ASXL1: variants seen among roughly 807,000 people sequenced by gnomAD.
The protein encoded by ASXL1 is ASXL transcriptional regulator 1.
ASXL1 carries 65 observed loss-of-function variants against 89.1 expected under a neutral mutation model. That is an observed-to-expected ratio of 0.73 (90% CI 0.60 to 0.90). The LOEUF (loss-of-function observed/expected upper bound fraction) is 0.90, where lower values mean the gene tolerates loss of function less well. Among genes scored for constraint, ASXL1 ranks in the 40% least tolerant of loss-of-function variants. The pLI, the probability that ASXL1 is intolerant of heterozygous loss-of-function variation, is 0.00. For missense variants in ASXL1, 1,786 were observed against 1,942.9 expected, an observed-to-expected ratio of 0.92 and a Z score of 1.52; for synonymous variants, 739 against 746.9, an observed-to-expected ratio of 0.99 and a Z score of 0.17.
Position 32,433,483 on chromosome 20 carries a change from GAGTCA to G in ASXL1, c.1286_1290del (p.Glu429GlyfsTer7). On this transcript the variant is annotated frameshift_variant, in exon 12 of 13. Transcript: ENST00000375687. LOFTEE classifies it high-confidence loss of function. ...CAGAAGGAATCTGTACAAAAAACAG[GAGTCA>G]GAACAAGCAGGGGTTGCTAAGGATG... is the stretch of plus-strand genomic sequence containing the variant. 6.2e-7 allele frequency: 1 copy of G among 1,614,176 alleles called. No individual in the cohort carries two copies. Among genetic ancestry groups the G allele is most frequent in the Non-Finnish European group, 8.5e-7 (1 of 1,180,032 alleles).
chr20:32,415,317 G>A (rs1435882692), intron 4 of ASXL1, among the ~76,000 whole-genome samples: 2 of 152,096 alleles, frequency 1.3e-5, no homozygotes, highest in African/African-American at 4.8e-5. Flanking sequence ...CCTGCGTCAT[G>A]ATTTTCTATT....
In ASXL1 at chr20:32,429,234, G is replaced by A; in HGVS notation, c.472-104G>A. The stretch of plus-strand genomic sequence containing the variant: ...TTATTTGACAGATCTGGTTGAAGAC[G>A]AACTTCATTTTACAAGAGCGTGAGT... On this transcript the variant is annotated intron_variant, in intron 6 of 12. Transcript: ENST00000375687. This position sits in a 1 kb window ranked among gnomAD's most constrained non-coding sequence, Gnocchi z 4.9. The A allele has an allele frequency of 7.7e-6, 9 of 1,169,510 alleles. No homozygotes were observed. The highest frequency in any genetic ancestry group is 2.6e-5 in the South Asian group (2 of 76,270). 72.4% of individuals were successfully genotyped at this position (1,169,510 alleles called of 1,614,324 possible).
chr20:32,394,438 C>CT (rs1458485407), intron 4 of ASXL1, among the ~76,000 whole-genome samples: 1 of 152,186 alleles, frequency 6.6e-6, no homozygotes, highest in African/African-American at 2.4e-5. Flanking sequence ...CATGCCTGGC[C>CT]TGGATTGAGG....
intron 8 of ASXL1, 81 bp from the exon 9 acceptor site, chr20:32,431,240 G>A: frequency 1.3e-6 from 2 of 1,577,282 alleles, no homozygotes; most frequent in Non-Finnish European, 8.7e-7. Context: ...CTTGGGTGCT[G>A]TCACCAAAGT....
chr20:32,436,308 C>T lies in ASXL1; in HGVS notation c.3596C>T (p.Ala1199Val), dbSNP rs1275445999. The part of the protein sequence containing the change: ...ARIEATQAPG[A>V]PQKNCKAVPS... The stretch of plus-strand genomic sequence containing the variant: ...ATTGAGGCCACCCAGGCTCCTGGAG[C>T]ACCCCAAAAGAATTGCAAGGCAGTC... The change falls in exon 13 of 13, where the codon GCA (alanine) becomes GTA (valine). Residue 1199 changes from alanine to valine, a missense_variant. Ala to Val is a moderately conservative substitution (Grantham distance 64). Transcript: ENST00000375687. The T allele has an allele frequency of 6.2e-7, 1 of 1,613,992 alleles. No individual in the cohort carries two copies. The highest frequency in any genetic ancestry group is 1.3e-5 in the African/African-American group (1 of 74,924).
At chr20:32,380,841 A>C (rs2048474328) in intron 4 of ASXL1, among the ~76,000 whole-genome samples, 1 of 152,214 alleles carries the variant, frequency 6.6e-6, no homozygotes, top group Non-Finnish European at 1.5e-5. Flanking sequence ...GATACAACAA[A>C]ATCATGGAGC....
intron 1 of ASXL1, chr20:32,360,307 T>G (rs1275268220): frequency 6.5e-6 from 1 of 153,402 alleles, no homozygotes; most frequent in African/African-American, 2.4e-5. Context: ...ATGTGAAGTT[T>G]GAAGATTTTG....
chr20:32,374,982 A>G (rs1240197637), intron 4 of ASXL1, among the ~76,000 whole-genome samples: 6 of 152,198 alleles, frequency 3.9e-5, no homozygotes, highest in Admixed American at 3.9e-4. Context: ...TATAAAGAAA[A>G]TTAATTTATT....
intron 1 of ASXL1, chr20:32,359,637 A>G: frequency 1.4e-6 from 1 of 712,190 alleles, no homozygotes; most frequent in Admixed American, 2.0e-5. Context: ...CCACTTTGCA[A>G]AGAATGTATG....
intron 4 of ASXL1, among the ~76,000 whole-genome samples, chr20:32,398,822 G>C (rs1345018571): frequency 6.6e-6 from 1 of 151,334 alleles, no homozygotes; most frequent in Non-Finnish European, 1.5e-5. Flanking sequence ...TTTTAGCTGG[G>C]ATGGTCTCGA....
At chr20:32,425,691 G>A (rs2011256110) in intron 4 of ASXL1, among the ~76,000 whole-genome samples, 1 of 151,878 alleles carries the variant, frequency 6.6e-6, no homozygotes, top group Non-Finnish European at 1.5e-5. Flanking sequence ...TTTGCCCATT[G>A]ATTTATATTT....
At chr20:32,386,721 T>C (rs954678018) in intron 4 of ASXL1, among the ~76,000 whole-genome samples, 1 of 151,962 alleles carries the variant, frequency 6.6e-6, no homozygotes, top group Non-Finnish European at 1.5e-5. Flanking sequence ...CCCGGCCCAT[T>C]GTTACTTCTG....
At chr20:32,417,520 T>C (rs567659777) in intron 4 of ASXL1, among the ~76,000 whole-genome samples, 1 of 152,298 alleles carries the variant, frequency 6.6e-6, no homozygotes, top group Non-Finnish European at 1.5e-5. Flanking sequence ...GAGAACCTTT[T>C]TATGTTAAGT....
chr20:32,436,652 C>G lies in ASXL1; in HGVS notation c.3940C>G (p.Leu1314Val). The G allele has an allele frequency of 2.5e-6, 4 of 1,614,050 alleles. No homozygotes were observed. The highest frequency in any genetic ancestry group is 3.4e-6 in the Non-Finnish European group (4 of 1,180,048). Residue 1314 changes from leucine to valine, a missense_variant, in exon 13 of 13, where the codon CTT becomes GTT. By Grantham distance (32) the Leu-to-Val change is conservative. Around this residue, in one of 3 missense-constraint regions of ASXL1, gnomAD observed 1,418 missense variants for 1,427.8 expected, o/e 0.99. Coordinates refer to ENST00000375687, the MANE Select transcript of ASXL1 (RefSeq NM_015338.6). Reference sequence around the variant, plus strand: ...TGGCTCTGGGAATGTGGCTGCAACCCTTCAGCGCCCCAGGCCTGCGGACCC... The same window carrying G: ...TGGCTCTGGGAATGTGGCTGCAACCGTTCAGCGCCCCAGGCCTGCGGACCC... ...LFGSGNVAATLQRPRPADPMP... is the reference protein window; with the variant it reads ...LFGSGNVAATVQRPRPADPMP...
At chr20:32,381,880 T>TA (rs1273024568) in intron 4 of ASXL1, among the ~76,000 whole-genome samples, 1 of 152,028 alleles carries the variant, frequency 6.6e-6, no homozygotes, top group East Asian at 1.9e-4. Flanking sequence ...CAGTTTTTGT[T>TA]ATAGAATGTG....
At chr20:32,415,206 G>T (rs1190100141) in intron 4 of ASXL1, among the ~76,000 whole-genome samples, 1 of 151,752 alleles carries the variant, frequency 6.6e-6, no homozygotes, top group Non-Finnish European at 1.5e-5. Context: ...ATGGGGTTTC[G>T]CCATGTTGGC....
rs1375139737 is a variant in ASXL1, at chr20:32,428,197, G to A, written c.322G>A (p.Val108Met). 9.9e-6 allele frequency: 16 copies of A among 1,614,084 alleles called. No homozygotes were observed. The East Asian group carries it at 3.3e-4, about 34-fold the overall frequency. ...AGAGGAGCCAGAGGACACGGCTGAT[G>A]TGGAGAGCTGTGGGTCTAATGAAGC... ...EGEEPEDTAD[V>M]ESCGSNEAST... The change falls in exon 5 of 13, where the codon GTG (valine) becomes ATG (methionine). Residue 108 changes from valine to methionine, a missense_variant. Val to Met is a conservative substitution (Grantham distance 21). Transcript: ENST00000375687.
At chr20:32,373,149 G>A (rs1447802504) in intron 4 of ASXL1, among the ~76,000 whole-genome samples, 1 of 151,356 alleles carries the variant, frequency 6.6e-6, no homozygotes, top group African/African-American at 2.4e-5. Context: ...GGCCGAGGTG[G>A]GTGAATCACT....
At chr20:32,391,570 G>A (rs1045787924) in intron 4 of ASXL1, among the ~76,000 whole-genome samples, 1 of 152,160 alleles carries the variant, frequency 6.6e-6, no homozygotes, top group Admixed American at 6.5e-5. Context: ...GCTCACTGCA[G>A]CCTCGATCTT....
Sources: gnomAD v4.1 joint callset for allele counts (sites outside exome capture counted in the v4.1 genomes callset) on GRCh38, gnomAD v4.1.1 for gene constraint, gnomAD v4.1.1 regional missense constraint, Gnocchi (gnomAD v3.1) non-coding constraint, MANE v1.5 for transcripts, NCBI Gene and HGNC (gene_info 2026-07-23, HGNC 2026-07-21) for gene names.